ABR: variants seen among roughly 807,000 people sequenced by gnomAD.
ABR encodes the protein ABR activator of RhoGEF and GTPase.
A neutral mutation model predicts 107.2 loss-of-function variants in ABR; 35 were observed. The ratio of observed to expected loss-of-function variants is 0.33; its 90% CI spans 0.25 to 0.43. ABR has a LOEUF of 0.43. ABR is among the 20% of genes least tolerant of loss of function. ABR has a pLI of 1.00. For missense variants in ABR, 815 were observed against 1,115.2 expected (o/e 0.73, Z 3.83); for synonymous variants, 498 against 462.0 (o/e 1.08, Z -1.00).
chr17:1,007,409 T>G (rs2070138357), intron 21 of ABR, 97 bp from the exon 22 acceptor site: 1 of 1,444,474 alleles, frequency 6.9e-7, no homozygotes, highest in Non-Finnish European at 9.5e-7. Context: ...CCTGAAGGAC[T>G]CCTGGAAGGG....
chr17:1,204,600 A>C (rs190413825), intron 1 of ABR, among the ~76,000 whole-genome samples: 1 of 152,354 alleles, frequency 6.6e-6, no homozygotes, highest in Admixed American at 6.5e-5. Flanking sequence ...GTTCAGATAC[A>C]CAAACATTTT....
At chr17:1,207,790 G>C (rs4968180) in intron 1 of ABR, among the ~76,000 whole-genome samples, 133,565 of 151,858 alleles carry the variant, frequency 0.88, 61,023 homozygotes, top group East Asian at 1. Flanking sequence ...TTGTTTTTGA[G>C]ACAGAGTCTC....
At chr17:1,191,872 C>T (rs2042445029), upstream of ABR, among the ~76,000 whole-genome samples, 1 of 152,196 alleles carries the variant, frequency 6.6e-6, no homozygotes, top group Admixed American at 6.5e-5. Context: ...ACACATGAGC[C>T]CCTCAACACT....
At chr17:1,023,695 G>A (rs955541398) in intron 16 of ABR, among the ~76,000 whole-genome samples, 4 of 152,228 alleles carry the variant, frequency 2.6e-5, no homozygotes, top group Admixed American at 6.5e-5. Flanking sequence ...ACCTCCATGG[G>A]CTCTGAAGCC....
intron 1 of ABR, among the ~76,000 whole-genome samples, chr17:1,147,073 C>T (rs2040586668): frequency 6.6e-6 from 1 of 152,262 alleles, no homozygotes; most frequent in Non-Finnish European, 1.5e-5. Context: ...ACTTGGCAGT[C>T]CCTGGGCAGG....
At chr17:1,018,824 G>A (rs1044794049) in intron 16 of ABR, among the ~76,000 whole-genome samples, 2 of 152,144 alleles carry the variant, frequency 1.3e-5, no homozygotes, top group African/African-American at 2.4e-5. Context: ...CAGCATCTGC[G>A]TTCATGATCA....
At chr17:1,086,379 C>T (rs928220757) in intron 4 of ABR, among the ~76,000 whole-genome samples, 2 of 152,138 alleles carry the variant, frequency 1.3e-5, no homozygotes, top group African/African-American at 4.8e-5. Flanking sequence ...ACCCGATTTA[C>T]ACATAGCATT....
At position 1,175,568 on chromosome 17, in the gene ABR, G is replaced by T. The variant is rs184422876; in HGVS notation, c.61+4099C>A. ...GTCTGAAACCATCTGTCACTCCACA[G>T]GGAAAGGACTCTGCTCCCATCAGCC... On this transcript the variant is annotated intron_variant, in intron 1 of 22. Transcript: ENST00000302538. Among the ~76,000 whole-genome samples, 32 of 152,332 alleles carry T rather than the reference G, an allele frequency of 2.1e-4. No homozygotes were observed. The East Asian group carries it at 6.0e-3, about 28-fold the overall frequency.
chr17:1,035,993 CT>C (rs1414413319), intron 16 of ABR, among the ~76,000 whole-genome samples: 1 of 152,016 alleles, frequency 6.6e-6, no homozygotes, highest in East Asian at 2.0e-4. Context: ...TGCAGTGGGG[CT>C]GCCTCGGTGA....
intron 1 of ABR, among the ~76,000 whole-genome samples, chr17:1,135,375 G>C (rs73975648): frequency 0.44 from 62,392 of 141,966 alleles, 14,091 homozygotes; most frequent in East Asian, 0.55. Context: ...TTTTCTTTTT[G>C]TCTTTTTTTT....
chr17:1,215,968 TGAAGGCAGCGTGCTC>T lies in ABR; in HGVS notation c.838+12810_838+12824del, dbSNP rs2042998400. The stretch of plus-strand genomic sequence containing the variant: ...AGATGTGCTTTGTTAAACAGATGCT[TGAAGGCAGCGTGCTC>T]GTTAAGAGTCATCACCAATCCCTAA... On this transcript the variant is annotated intron_variant, in intron 1 of 22. Transcript: ENST00000574139. Among the ~76,000 whole-genome samples, 4 of 135,060 alleles carry T rather than the reference TGAAGGCAGCGTGCTC, an allele frequency of 3.0e-5. No homozygotes were observed. In the Admixed American group the frequency reaches 3.1e-4, roughly 10 times the overall value. 88.6% of individuals were successfully genotyped at this position (135,060 alleles called of 152,430 possible).
intron 3 of ABR, among the ~76,000 whole-genome samples, chr17:1,100,037 A>T (rs888301949): frequency 2.9e-4 from 44 of 151,902 alleles, no homozygotes; most frequent in Non-Finnish European, 5.4e-4. Flanking sequence ...GAGGCAGGAG[A>T]ATCACTTGAA....
intron 16 of ABR, among the ~76,000 whole-genome samples, chr17:1,023,851 C>T (rs1252550391): frequency 6.6e-6 from 1 of 151,988 alleles, no homozygotes; most frequent in Non-Finnish European, 1.5e-5. Flanking sequence ...ATGGAGAAAC[C>T]CTGTCTCTAC....
intron 16 of ABR, among the ~76,000 whole-genome samples, chr17:1,046,368 C>A (rs1003170059): frequency 2.8e-5 from 4 of 140,964 alleles, no homozygotes; most frequent in African/African-American, 9.9e-5. Flanking sequence ...GAACTCCCGA[C>A]CTTGTAATCC....
chr17:1,013,237 A>C (rs1471463974), intron 16 of ABR, 73 bp from the exon 17 acceptor site: 1 of 1,422,364 alleles, frequency 7.0e-7, no homozygotes, highest in Non-Finnish European at 9.9e-7. Context: ...GTGGGTCAGC[A>C]CTGCTCAGAG....
At chr17:1,176,253 G>A (rs1259866874) in intron 1 of ABR, among the ~76,000 whole-genome samples, 21 of 152,188 alleles carry the variant, frequency 1.4e-4, no homozygotes, top group Admixed American at 1.4e-3. Flanking sequence ...ACAGGGCCAG[G>A]TTGGGGTCAG....
intron 10 of ABR, among the ~76,000 whole-genome samples, chr17:1,066,503 T>C (rs1312267887): frequency 6.6e-6 from 1 of 152,142 alleles, no homozygotes; most frequent in African/African-American, 2.4e-5. Flanking sequence ...AAGCCTGCTT[T>C]TTCTTCTCTT....
chr17:1,147,863 G>C (rs750584335), intron 1 of ABR, among the ~76,000 whole-genome samples: 1 of 152,212 alleles, frequency 6.6e-6, no homozygotes, highest in Non-Finnish European at 1.5e-5. Flanking sequence ...CCATTCAGGA[G>C]AGAAGCAGAA....
chr17:1,204,660 A>G (rs760808468), intron 1 of ABR, among the ~76,000 whole-genome samples: 11 of 152,202 alleles, frequency 7.2e-5, no homozygotes, highest in Non-Finnish European at 1.5e-4. Flanking sequence ...CCTGCTATAC[A>G]GGTTCGTACC....
Sources: gnomAD v4.1 joint callset for allele counts (sites outside exome capture counted in the v4.1 genomes callset) on GRCh38, gnomAD v4.1.1 for gene constraint, MANE v1.5 for transcripts, NCBI Gene and HGNC (gene_info 2026-07-23, HGNC 2026-07-21) for gene names.